Variants in ZNF385D observed in about 807,000 individuals in gnomAD.
ZNF385D encodes the protein zinc finger protein 385D, also known as zinc finger protein 659.
In ZNF385D, 15 loss-of-function variants were observed where a neutral mutation model predicts 35.8. The ratio of observed to expected loss-of-function variants is 0.42; its 90% CI spans 0.28 to 0.64. The LOEUF is 0.64. Ranked by LOEUF, ZNF385D falls within the 30% of genes least tolerant of loss-of-function variation. The pLI is 0.23. For missense variants in ZNF385D, 474 were observed against 494.6 expected (o/e 0.96, Z 0.39); for synonymous variants, 212 against 186.8 (o/e 1.13, Z -1.10).
chr3:22,142,163 T>G (rs756983189), intron 3 of ZNF385D, among the ~76,000 whole-genome samples: 1 of 152,194 alleles, frequency 6.6e-6, no homozygotes, highest in African/African-American at 2.4e-5. Context: ...ACAGTATTAT[T>G]GGGTGTTGTT....
chr3:22,239,900 G>A (rs922950175), intron 2 of ZNF385D, among the ~76,000 whole-genome samples: 4 of 150,476 alleles, frequency 2.7e-5, no homozygotes, highest in Non-Finnish European at 5.9e-5. Context: ...TTTCAGCCTG[G>A]GCATGGTTGC....
chr3:22,228,847 G>A (rs1014535673), intron 2 of ZNF385D, among the ~76,000 whole-genome samples: 2 of 152,186 alleles, frequency 1.3e-5, no homozygotes, highest in Admixed American at 6.5e-5. Context: ...TTTTTCCCAT[G>A]TTGGATATTT....
At chr3:22,334,868 C>T (rs1418057643) in intron 2 of ZNF385D, among the ~76,000 whole-genome samples, 1 of 152,074 alleles carries the variant, frequency 6.6e-6, no homozygotes, top group Non-Finnish European at 1.5e-5. Context: ...GAACTAATTT[C>T]CTGCTGATTT....
intron 3 of ZNF385D, among the ~76,000 whole-genome samples, chr3:21,780,365 C>T (rs2071442248): frequency 6.6e-6 from 1 of 151,942 alleles, no homozygotes; most frequent in African/African-American, 2.4e-5. Context: ...GGATTCATGT[C>T]ACAGTTTACT....
rs147957663 is a variant in ZNF385D at position 22,149,958 on chromosome 3, A to G, written c.325+18859T>C. On this transcript the variant is annotated intron_variant, in intron 3 of 5. Coordinates refer to the ZNF385D transcript ENST00000494108. ...AACTTACTCTCTTGACTTTAATTCC[A>G]TGTTTTAATATTGAATTCCTAAAGC... 5.3e-5 allele frequency among the ~76,000 whole-genome samples: 8 copies of G among 152,280 alleles called. No individual in the cohort carries two copies. In the East Asian group the frequency reaches 1.4e-3, roughly 26 times the overall value.
At chr3:21,576,642 T>C (rs2063503831) in intron 2 of ZNF385D, among the ~76,000 whole-genome samples, 1 of 152,200 alleles carries the variant, frequency 6.6e-6, no homozygotes, top group African/African-American at 2.4e-5. Context: ...GGGTGGAGAC[T>C]GTGTTTCACC....
chr3:21,665,080 AAC>A, intron 1 of ZNF385D, 52 bp from the exon 2 acceptor site: 1 of 1,517,274 alleles, frequency 6.6e-7, no homozygotes, highest in Non-Finnish European at 8.8e-7. Flanking sequence ...CATGGAAAAA[AAC>A]ACCAAAGTTG....
At chr3:22,286,093 G>T (rs1372893968) in intron 2 of ZNF385D, among the ~76,000 whole-genome samples, 1 of 152,068 alleles carries the variant, frequency 6.6e-6, no homozygotes, top group African/African-American at 2.4e-5. Context: ...ACTTACTCTA[G>T]TATCTCTTAA....
chr3:21,921,054 A>C (rs10865780), intron 3 of ZNF385D, among the ~76,000 whole-genome samples: 80,532 of 141,618 alleles, frequency 0.57, 23,575 homozygotes, highest in South Asian at 0.68. Context: ...TCTCTACTAA[A>C]AATACAAAAA....
chr3:21,692,674 A>G (rs1263858056), intron 1 of ZNF385D, among the ~76,000 whole-genome samples: 1 of 152,196 alleles, frequency 6.6e-6, no homozygotes. Context: ...CAGAACACCT[A>G]TCCCTCCCAA....
At chr3:21,561,206 C>T (rs1476584180) in intron 3 of ZNF385D, among the ~76,000 whole-genome samples, 1 of 152,154 alleles carries the variant, frequency 6.6e-6, no homozygotes, top group African/African-American at 2.4e-5. Flanking sequence ...AAGAAAACTC[C>T]TTCACGTAGC....
intron 2 of ZNF385D, among the ~76,000 whole-genome samples, chr3:22,290,357 C>T (rs1364711255): frequency 1.3e-5 from 2 of 152,156 alleles, no homozygotes; most frequent in African/African-American, 4.8e-5. Flanking sequence ...TGTCCACCTT[C>T]AGGAGGGGTG....
At chr3:21,838,368 G>A (rs1299912132) in intron 3 of ZNF385D, among the ~76,000 whole-genome samples, 1 of 152,118 alleles carries the variant, frequency 6.6e-6, no homozygotes, top group African/African-American at 2.4e-5. Flanking sequence ...AAAAACAAAG[G>A]TGATGGTCAG....
chr3:21,566,862 G>T (rs752800384), intron 2 of ZNF385D, among the ~76,000 whole-genome samples: 1 of 152,056 alleles, frequency 6.6e-6, no homozygotes, highest in Non-Finnish European at 1.5e-5. Flanking sequence ...CCTCCTCCCA[G>T]ACCCTGAAAC....
chr3:21,612,333 C>T (rs141674101), intron 2 of ZNF385D, among the ~76,000 whole-genome samples: 317 of 152,086 alleles, frequency 2.1e-3, no homozygotes, highest in African/African-American at 7.0e-3. Flanking sequence ...CTCCTGACCT[C>T]GTGATCTGCC....
At chr3:21,737,749 G>T (rs775786161) in intron 1 of ZNF385D, among the ~76,000 whole-genome samples, 3 of 152,162 alleles carry the variant, frequency 2.0e-5, no homozygotes, top group Admixed American at 6.6e-5. Flanking sequence ...GGGTCTAAAA[G>T]GTGTTTGGAT....
At chr3:22,119,323 C>A (rs1194816363) in intron 3 of ZNF385D, among the ~76,000 whole-genome samples, 6 of 152,256 alleles carry the variant, frequency 3.9e-5, no homozygotes, top group African/African-American at 1.4e-4. Flanking sequence ...TGACTTATGT[C>A]CGAGGCCAAA....
At chr3:21,787,428 A>G (rs1369743036) in intron 3 of ZNF385D, among the ~76,000 whole-genome samples, 1 of 152,206 alleles carries the variant, frequency 6.6e-6, no homozygotes, top group East Asian at 1.9e-4. Flanking sequence ...TAAAAACTAA[A>G]TGGGAATACC....
chr3:22,177,202 A>AT (rs907978652), intron 2 of ZNF385D, among the ~76,000 whole-genome samples: 13 of 152,190 alleles, frequency 8.5e-5, no homozygotes, highest in African/African-American at 3.1e-4. Flanking sequence ...CTCAGACCAG[A>AT]TTTTTTTAAA....
Sources: allele counts gnomAD v4.1 joint callset (sites outside exome capture counted in the v4.1 genomes callset), GRCh38; gene constraint gnomAD v4.1.1; transcripts MANE v1.5; gene names NCBI Gene and HGNC (gene_info 2026-07-23, HGNC 2026-07-21).